Variants in SAMD3 observed in about 807,000 individuals in gnomAD.
SAMD3 encodes the protein sterile alpha motif domain-containing protein 3.
In SAMD3, 63 loss-of-function variants were observed where a neutral mutation model predicts 58.5. That is an observed-to-expected ratio of 1.08 (90% confidence interval 0.88 to 1.33). SAMD3 has a LOEUF of 1.33. SAMD3 is among the 40% of genes most tolerant of loss of function. The pLI, the probability that SAMD3 is intolerant of heterozygous loss-of-function variation, is 0.00. For synonymous variants in SAMD3, 220 were observed against 210.3 expected (o/e 1.05, Z -0.40); for missense variants, 604 against 608.4 (o/e 0.99, Z 0.08).
chr6:130,165,723 G>A (rs1317769586), intron 8 of SAMD3, among the ~76,000 whole-genome samples: 6 of 151,820 alleles, frequency 4.0e-5, no homozygotes, highest in African/African-American at 7.3e-5. Flanking sequence ...TAGCTCTACC[G>A]GCTGAAAGAA....
At chr6:130,292,182 T>C (rs546888219) in intron 2 of SAMD3, among the ~76,000 whole-genome samples, 32 of 152,170 alleles carry the variant, frequency 2.1e-4, no homozygotes, top group Admixed American at 1.9e-3. Flanking sequence ...ATGCGGATCC[T>C]AGATTTTCAC....
chr6:130,210,229 T>C (rs1308967087), intron 4 of SAMD3, among the ~76,000 whole-genome samples: 1 of 152,214 alleles, frequency 6.6e-6, no homozygotes, highest in Non-Finnish European at 1.5e-5. Flanking sequence ...AACTATTTCA[T>C]ATCCCCATCA....
At chr6:130,229,809 G>C (rs933902226) in intron 2 of SAMD3, among the ~76,000 whole-genome samples, 5 of 152,132 alleles carry the variant, frequency 3.3e-5, no homozygotes, top group Non-Finnish European at 5.9e-5. Flanking sequence ...TTCATGATGA[G>C]TAAATGAACC....
At position 130,144,599 on chromosome 6, in the gene SAMD3, A is replaced by G. The variant is rs771708867; in HGVS notation, c.1484T>C (p.Ile495Thr). The change falls in exon 12 of 12, where the codon ATT becomes ACT. Residue 495 changes from isoleucine to threonine, a missense_variant. Coordinates refer to ENST00000439090, the MANE Select transcript of SAMD3 (RefSeq NM_001017373.4). The part of the protein sequence containing the change: ...SQTFNFLETL[I>T]FDMHSPYFPS... The stretch of plus-strand genomic sequence containing the variant: ...AAAATAAGGACTGTGCATATCGAAA[A>G]TCAGCGTTTCTAGGAAGTTGAAAGT... 2.5e-6 allele frequency: 4 copies of G among 1,614,124 alleles called. No individual in the cohort carries two copies. Among genetic ancestry groups the G allele is most frequent in the Middle Eastern group, 1.6e-4 (1 of 6,062 alleles).
intron 2 of SAMD3, among the ~76,000 whole-genome samples, chr6:130,242,134 T>C (rs1014641050): frequency 2.6e-5 from 4 of 152,244 alleles, no homozygotes; most frequent in African/African-American, 9.6e-5. Flanking sequence ...TATGATTCTT[T>C]AGCTACTCAT....
intron 5 of SAMD3, among the ~76,000 whole-genome samples, chr6:130,202,094 C>G (rs756233460): frequency 1.3e-5 from 2 of 152,196 alleles, no homozygotes; most frequent in Non-Finnish European, 2.9e-5. Context: ...GATTAGAAAT[C>G]AAGATTACTT....
upstream of SAMD3, among the ~76,000 whole-genome samples, chr6:130,223,464 TA>T (rs554875403): frequency 1.6e-3 from 244 of 152,342 alleles, 1 homozygote; most frequent in Non-Finnish European, 2.2e-3. Flanking sequence ...ATATTACAAC[TA>T]TTTTTTTGGA....
intron 2 of SAMD3, among the ~76,000 whole-genome samples, chr6:130,228,239 G>A (rs1306567367): frequency 6.6e-6 from 1 of 152,234 alleles, no homozygotes; most frequent in Admixed American, 6.5e-5. Context: ...CCTCCAGTCT[G>A]TTGACAGGTT....
chr6:130,302,814 T>G (rs149338256), intron 2 of SAMD3, among the ~76,000 whole-genome samples: 194 of 152,218 alleles, frequency 1.3e-3, no homozygotes, highest in African/African-American at 4.6e-3. Context: ...AGTGAACTAA[T>G]GCACAAACAG....
chr6:130,148,952 A>G (rs1411077912), intron 9 of SAMD3, among the ~76,000 whole-genome samples: 2 of 152,222 alleles, frequency 1.3e-5, no homozygotes, highest in African/African-American at 2.4e-5. Context: ...TTCTCATAGA[A>G]GAAATCTAGG....
chr6:130,234,450 T>C (rs905798748), intron 2 of SAMD3, among the ~76,000 whole-genome samples: 2 of 152,168 alleles, frequency 1.3e-5, no homozygotes, highest in Non-Finnish European at 2.9e-5. Context: ...AAGGGGACAA[T>C]ATGATACATT....
chr6:130,198,495 C>G (rs558449136), intron 5 of SAMD3, among the ~76,000 whole-genome samples: 1 of 152,274 alleles, frequency 6.6e-6, no homozygotes, highest in East Asian at 1.9e-4. Flanking sequence ...AGATGTGAGC[C>G]ACCACATCTA....
At position 130,198,852 on chromosome 6, in the gene SAMD3, C is replaced by A. The variant is rs190398016; in HGVS notation, c.383+10643G>T. Among the ~76,000 whole-genome samples, 5 of 152,256 alleles carry A rather than the reference C, an allele frequency of 3.3e-5. No individual in the cohort carries two copies. In the East Asian group the frequency reaches 7.7e-4, roughly 24 times the overall value. On this transcript the variant is annotated intron_variant, in intron 5 of 11. Transcript: ENST00000439090. ...GCATCTCACCAGGCTTCAGTTGCAC[C>A]CCATGTGGCTTTATGGGACCCAGGG...
chr6:130,219,291 G>A (rs999876320), intron 1 of SAMD3, among the ~76,000 whole-genome samples: 1 of 151,926 alleles, frequency 6.6e-6, no homozygotes, highest in African/African-American at 2.4e-5. Flanking sequence ...TATGCTAAAC[G>A]ATATGAAACA....
chr6:130,188,044 C>CA (rs1420021792), intron 5 of SAMD3, among the ~76,000 whole-genome samples: 3 of 152,202 alleles, frequency 2.0e-5, no homozygotes, highest in African/African-American at 4.8e-5. Flanking sequence ...TAAGACAACA[C>CA]ATTTGATACT....
chr6:130,248,077 G>T (rs887777942), intron 2 of SAMD3, among the ~76,000 whole-genome samples: 14 of 151,982 alleles, frequency 9.2e-5, no homozygotes, highest in Admixed American at 8.5e-4. Flanking sequence ...CTGATATTAA[G>T]ATTCATACAT....
At chr6:130,231,822 C>A (rs59760507) in intron 2 of SAMD3, among the ~76,000 whole-genome samples, 5 of 151,274 alleles carry the variant, frequency 3.3e-5, no homozygotes, top group African/African-American at 1.2e-4. Context: ...GTTTTTTTTT[C>A]CCACACTGTT....
intron 2 of SAMD3, among the ~76,000 whole-genome samples, chr6:130,276,374 C>A (rs1202790018): frequency 6.6e-6 from 1 of 151,988 alleles, no homozygotes; most frequent in Non-Finnish European, 1.5e-5. Context: ...GAATAGGAAA[C>A]TAGTACAAGT....
At chr6:130,153,822 A>G (rs1789474392) in intron 9 of SAMD3, among the ~76,000 whole-genome samples, 1 of 151,662 alleles carries the variant, frequency 6.6e-6, no homozygotes, top group Admixed American at 6.6e-5. Flanking sequence ...GACTACAGGC[A>G]CGCACCACTA....
Sources: allele counts gnomAD v4.1 joint callset (sites outside exome capture counted in the v4.1 genomes callset), GRCh38; gene constraint gnomAD v4.1.1; transcripts MANE v1.5; gene names NCBI Gene and HGNC (gene_info 2026-07-23, HGNC 2026-07-21).